Variants in SDK1 observed in about 807,000 individuals in gnomAD.
SDK1 encodes sidekick cell adhesion molecule 1, also known as protein sidekick-1.
SDK1 carries 157 observed loss-of-function variants against 245.5 expected under a neutral mutation model. The observed-to-expected ratio is 0.64, with a 90% CI of 0.56 to 0.73. The LOEUF is 0.73. Ranked by LOEUF, SDK1 falls within the 30% of genes least tolerant of loss-of-function variation. The pLI, the probability that SDK1 is intolerant of heterozygous loss-of-function variation, is 0.00. For missense variants in SDK1, 3,583 were observed against 3,002.3 expected, an observed-to-expected ratio of 1.19 and a Z score of -4.52; for synonymous variants, 1,647 against 1,278.5, an observed-to-expected ratio of 1.29 and a Z score of -6.15.
At chr7:3,547,680 G>T (rs1779272914) in intron 1 of SDK1, among the ~76,000 whole-genome samples, 1 of 152,178 alleles carries the variant, frequency 6.6e-6, no homozygotes, top group Non-Finnish European at 1.5e-5. Context: ...TGACTCTGTA[G>T]ATCACTGTTA....
At chr7:4,231,804 A>G (rs150625007) in intron 40 of SDK1, among the ~76,000 whole-genome samples, 7 of 152,272 alleles carry the variant, frequency 4.6e-5, no homozygotes, top group African/African-American at 1.7e-4. Flanking sequence ...TTTTCTGCCT[A>G]TTTACTGTTG....
At chr7:4,120,991 T>A (rs935213180) in intron 25 of SDK1, among the ~76,000 whole-genome samples, 10 of 151,958 alleles carry the variant, frequency 6.6e-5, no homozygotes, top group Admixed American at 6.6e-5. Flanking sequence ...CTTTTTTTTT[T>A]AAACAAACAT....
In SDK1 at chr7:3,388,637, C is replaced by T. The variant is rs117031229; in HGVS notation, c.298+86753C>T. On this transcript the variant is annotated intron_variant, in intron 1 of 44. Coordinates refer to ENST00000404826, the MANE Select transcript of SDK1 (RefSeq NM_152744.4). Reference sequence around the variant, plus strand: ...GTTGTGTGTACTTTCTAGTTTGAAACGTATAAGCTGTTTCGTGCATTAGTG... The same window carrying T: ...GTTGTGTGTACTTTCTAGTTTGAAATGTATAAGCTGTTTCGTGCATTAGTG... Among the ~76,000 whole-genome samples, 203 of 152,166 alleles carry T rather than the reference C, an allele frequency of 1.3e-3. 2 individuals are homozygous for T. The East Asian group carries it at 0.023, about 17-fold the overall frequency.
intron 27 of SDK1, among the ~76,000 whole-genome samples, chr7:4,131,707 C>T (rs1445965302): frequency 1.3e-5 from 2 of 151,864 alleles, no homozygotes; most frequent in Non-Finnish European, 2.9e-5. Context: ...TCCACCACAC[C>T]TAGCTGCTTT....
intron 14 of SDK1, among the ~76,000 whole-genome samples, chr7:4,004,884 C>T (rs1342414387): frequency 1.3e-5 from 1 of 76,312 alleles, no homozygotes; most frequent in African/African-American, 6.8e-5. Flanking sequence ...ATCCATCGTA[C>T]TGGTTGTTTT....
chr7:4,213,181 A>G (rs1784594021), intron 38 of SDK1, among the ~76,000 whole-genome samples: 1 of 152,188 alleles, frequency 6.6e-6, no homozygotes, highest in Non-Finnish European at 1.5e-5. Flanking sequence ...TGGGAGGACG[A>G]GGCAAGTGGA....
intron 35 of SDK1, among the ~76,000 whole-genome samples, chr7:4,188,239 A>G (rs1437478931): frequency 6.6e-6 from 1 of 152,234 alleles, no homozygotes; most frequent in East Asian, 1.9e-4. Flanking sequence ...TGCTACAGCC[A>G]ACGTCCTGAG....
chr7:4,089,418 G>A (rs1031668465), intron 22 of SDK1, among the ~76,000 whole-genome samples: 1 of 152,262 alleles, frequency 6.6e-6, no homozygotes, highest in African/African-American at 2.4e-5. Context: ...CGCCTCAGGG[G>A]GCCTCTGTGC....
At chr7:3,550,231 A>G (rs1779357611) in intron 1 of SDK1, among the ~76,000 whole-genome samples, 1 of 152,216 alleles carries the variant, frequency 6.6e-6, no homozygotes, top group Non-Finnish European at 1.5e-5. Flanking sequence ...GATTTCTTAA[A>G]GAGGCTGCAA....
intron 3 of SDK1, among the ~76,000 whole-genome samples, chr7:3,640,183 A>C (rs1386366359): frequency 6.6e-6 from 1 of 152,162 alleles, no homozygotes; most frequent in Non-Finnish European, 1.5e-5. Context: ...GTATTACCAA[A>C]ATTTCTCTTT....
intron 4 of SDK1, among the ~76,000 whole-genome samples, chr7:3,739,853 G>C (rs1779427125): frequency 6.6e-6 from 1 of 151,960 alleles, no homozygotes; most frequent in African/African-American, 2.4e-5. Flanking sequence ...TTAACAACTG[G>C]GCATTTGAAT....
rs189183537 is a variant in SDK1, at chr7:3,575,047, C to T, written c.299-44033C>T. Among the ~76,000 whole-genome samples, 95 of 152,136 alleles carry T rather than the reference C, an allele frequency of 6.2e-4. 4 individuals are homozygous for T. The highest frequency in any genetic ancestry group is 8.7e-4 in the Non-Finnish European group (59 of 67,958). On this transcript the variant is annotated intron_variant, in intron 1 of 44. Coordinates refer to ENST00000404826, the MANE Select transcript of SDK1 (RefSeq NM_152744.4). ...CCATTCCTGTGCAGCCTAAAGAATG[C>T]CTCCTTTGCCTCTTACAAGACAGAT...
chr7:4,029,242 C>G (rs1246992762), intron 17 of SDK1, among the ~76,000 whole-genome samples: 1 of 98,554 alleles, frequency 1.0e-5, no homozygotes, highest in Non-Finnish European at 1.8e-5. Flanking sequence ...GAAGAAGTCT[C>G]ACTCTGTCAT....
intron 4 of SDK1, among the ~76,000 whole-genome samples, chr7:3,767,223 G>C (rs944520339): frequency 2.0e-5 from 3 of 152,172 alleles, no homozygotes; most frequent in African/African-American, 7.2e-5. Context: ...CCCTCAGGTA[G>C]AGTCAGAAGA....
intron 4 of SDK1, among the ~76,000 whole-genome samples, chr7:3,804,464 A>G (rs748601451): frequency 1.9e-4 from 29 of 152,158 alleles, no homozygotes; most frequent in Non-Finnish European, 3.5e-4. Flanking sequence ...TTCCTTTGCC[A>G]ATACCACACT....
intron 4 of SDK1, among the ~76,000 whole-genome samples, chr7:3,760,212 A>G (rs1170116624): frequency 2.6e-5 from 4 of 152,182 alleles, no homozygotes; most frequent in Non-Finnish European, 5.9e-5. Context: ...GGCTGCATAT[A>G]CAGTGATGAT....
At chr7:4,098,188 T>TGTC (rs1782286471) in intron 22 of SDK1, among the ~76,000 whole-genome samples, 1 of 152,198 alleles carries the variant, frequency 6.6e-6, no homozygotes, top group African/African-American at 2.4e-5. Context: ...GTTGAGGTCC[T>TGTC]ATTATGGGAC....
intron 14 of SDK1, among the ~76,000 whole-genome samples, chr7:3,989,330 G>A (rs1784114899): frequency 6.6e-6 from 1 of 152,166 alleles, no homozygotes; most frequent in African/African-American, 2.4e-5. Context: ...GAGACTTGCT[G>A]TCAGGGGAAC....
intron 5 of SDK1, among the ~76,000 whole-genome samples, chr7:3,938,659 A>AAAAAAAAAAAAAG (rs1554284813): frequency 2.0e-5 from 3 of 151,070 alleles, no homozygotes; most frequent in African/African-American, 7.4e-5. Flanking sequence ...AAAAAAAAAA[A>AAAAAAAAAAAAAG]AGAGATCCTC....
Sources: gnomAD v4.1 joint callset for allele counts (sites outside exome capture counted in the v4.1 genomes callset) on GRCh38, gnomAD v4.1.1 for gene constraint, MANE v1.5 for transcripts, NCBI Gene and HGNC (gene_info 2026-07-23, HGNC 2026-07-21) for gene names.